GPATCH2L: variants seen among roughly 807,000 people sequenced by gnomAD.
The protein encoded by GPATCH2L is G patch domain-containing protein 2-like.
In GPATCH2L, 31 loss-of-function variants were observed where a neutral mutation model predicts 57.4. That is an observed-to-expected ratio of 0.54 (90% CI 0.41 to 0.73). The LOEUF is 0.73. Ranked by LOEUF, GPATCH2L falls within the 30% of genes least tolerant of loss-of-function variation. GPATCH2L has a pLI of 0.00. For missense variants in GPATCH2L, 481 were observed against 599.9 expected, an observed-to-expected ratio of 0.80 and a Z score of 2.07; for synonymous variants, 199 against 210.7, an observed-to-expected ratio of 0.94 and a Z score of 0.48.
chr14:76,217,095 GA>G (rs1029007243), downstream of GPATCH2L, among the ~76,000 whole-genome samples: 2 of 150,912 alleles, frequency 1.3e-5, no homozygotes, highest in African/African-American at 4.9e-5. Context: ...ACAACTACTG[GA>G]AAAAAAAAGA....
intron 1 of GPATCH2L, among the ~76,000 whole-genome samples, chr14:76,226,574 C>T (rs941579066): frequency 6.6e-6 from 1 of 152,146 alleles, no homozygotes; most frequent in African/African-American, 2.4e-5. Context: ...AACTTCATCC[C>T]CAATGCCACC....
chr14:76,228,462 CA>C (rs1003606638), intron 1 of GPATCH2L, among the ~76,000 whole-genome samples: 4 of 152,090 alleles, frequency 2.6e-5, no homozygotes, highest in Non-Finnish European at 5.9e-5. Context: ...CGCATTGTGC[CA>C]GGGGGCAGGC....
chr14:76,178,308 C>T lies in GPATCH2L; in HGVS notation c.1107+266C>T, dbSNP rs562762027. 3.0e-5 allele frequency: 40 copies of T among 1,351,896 alleles called. No individual in the cohort carries two copies. The African/African-American group carries it at 3.2e-4, about 11-fold the overall frequency. 83.7% of individuals were successfully genotyped at this position (1,351,896 alleles called of 1,614,324 possible). A position where few individuals can be genotyped will look rare whatever the true frequency, so the allele number is the denominator to read the frequency against. ...GAGAAGTACTATGTTGAAGCCTAAA[C>T]GTATGGAGCAGAAGGTAGAGCTGCT... is the stretch of plus-strand genomic sequence containing the variant. On this transcript the variant is annotated intron_variant, in intron 7 of 9. Coordinates refer to ENST00000261530, the MANE Select transcript of GPATCH2L (RefSeq NM_017926.4).
chr14:76,201,999 C>T lies in GPATCH2L; in HGVS notation c.*148C>T. 2 of 601,630 alleles carry T rather than the reference C, an allele frequency of 3.3e-6. No individual in the cohort carries two copies. The highest frequency in any genetic ancestry group is 5.7e-6 in the Non-Finnish European group (2 of 352,532). The allele number at this position is 601,630 out of a possible 1,614,324, so 37.3% of individuals were successfully genotyped here. A position where few individuals can be genotyped will look rare whatever the true frequency, so the allele number is the denominator to read the frequency against. ...CCTCTTTCAAACACAGCAGTGGATT[C>T]TTTCTCTCAGAAGATCATGTTGTGG... is the stretch of plus-strand genomic sequence containing the variant. On this transcript the variant is annotated 3_prime_UTR_variant, in exon 10 of 10. Transcript: ENST00000261530.
At chr14:76,217,431 C>T (rs1300559060), downstream of GPATCH2L, among the ~76,000 whole-genome samples, 1 of 151,966 alleles carries the variant, frequency 6.6e-6, no homozygotes, top group Non-Finnish European at 1.5e-5. Context: ...TCTCCTTGGA[C>T]CAGTACAAAA....
Position 76,201,929 on chromosome 14 carries a change from A to G in GPATCH2L, c.*78A>G, listed in dbSNP as rs1173326468. ...TGGACTTTGTGTTAGATAGTCTTGC[A>G]TATCTTAATCGACATTCCCAGTCCT... On this transcript the variant is annotated 3_prime_UTR_variant, in exon 10 of 10. Transcript: ENST00000261530. 1.4e-5 allele frequency: 17 copies of G among 1,239,112 alleles called. No homozygotes were observed. The highest frequency in any genetic ancestry group is 2.2e-4 in the Middle Eastern group (1 of 4,588). The allele number at this position is 1,239,112 out of a possible 1,614,324, so 76.8% of individuals were successfully genotyped here.
At chr14:76,161,890 G>T (rs2038603178) in intron 2 of GPATCH2L, among the ~76,000 whole-genome samples, 1 of 152,076 alleles carries the variant, frequency 6.6e-6, no homozygotes, top group South Asian at 2.1e-4. Context: ...ATGAAAATTA[G>T]CCAGGCGTGG....
At position 76,214,027 on chromosome 14, in the gene GPATCH2L, G is replaced by T. The variant is rs188414891; in HGVS notation, c.*12176G>T. 5 of 152,224 alleles carry T rather than the reference G, an allele frequency of 3.3e-5. No homozygotes were observed. In the East Asian group the frequency reaches 7.7e-4, roughly 23 times the overall value. 9.4% of individuals were successfully genotyped at this position (152,224 alleles called of 1,614,324 possible). A position where few individuals can be genotyped will look rare whatever the true frequency, so the allele number is the denominator to read the frequency against. On this transcript the variant is annotated 3_prime_UTR_variant, in exon 10 of 10. Transcript: ENST00000261530. ...TATGTTTTAACAACTGGCAAGGCTA[G>T]TCCCCCTTATAATTTTTCCTATTGT...
At chr14:76,165,402 G>A (rs972187960) in intron 2 of GPATCH2L, among the ~76,000 whole-genome samples, 1 of 151,188 alleles carries the variant, frequency 6.6e-6, no homozygotes, top group African/African-American at 2.4e-5. Flanking sequence ...TGAGGTAGGA[G>A]AATTGCTTGA....
intron 2 of GPATCH2L, among the ~76,000 whole-genome samples, chr14:76,235,372 T>C (rs1301541546): frequency 6.6e-6 from 1 of 152,092 alleles, no homozygotes; most frequent in Non-Finnish European, 1.5e-5. Context: ...TGTGGTAGGC[T>C]TAACTCGAAT....
intron 2 of GPATCH2L, among the ~76,000 whole-genome samples, chr14:76,163,505 G>A (rs1308000014): frequency 6.6e-6 from 1 of 152,050 alleles, no homozygotes; most frequent in African/African-American, 2.4e-5. Flanking sequence ...GCCACATTTT[G>A]TTTTTCCATT....
rs538554448 is a variant in GPATCH2L at position 76,233,374 on chromosome 14, AGTG to A, written c.*117+3427_*117+3429del. Among the ~76,000 whole-genome samples the A allele has an allele frequency of 1.2e-4, 19 of 152,330 alleles. 1 individual carries two copies. The East Asian group carries it at 2.1e-3, about 17-fold the overall frequency. ...AATTCTGGCAATTTGATAGATACAAAGTGGTGGTTTCAAATGATTGTCATTTGC... is the reference window on the plus strand; with the variant it reads ...AATTCTGGCAATTTGATAGATACAAAGTGGTTTCAAATGATTGTCATTTGC... On this transcript the variant is annotated intron_variant and NMD_transcript_variant, in intron 2 of 3. Transcript: ENST00000556372.
At chr14:76,166,568 G>T (rs1195278924) in intron 2 of GPATCH2L, 95 bp from the exon 3 acceptor site, 1 of 727,378 alleles carries the variant, frequency 1.4e-6, no homozygotes, top group African/African-American at 1.7e-5. Context: ...ACAGGTTGGA[G>T]TGAAATTAGG....
chr14:76,224,535 GGAAACATCTTTAAATTGGTAAA>G (rs1351071536), intron 1 of GPATCH2L, among the ~76,000 whole-genome samples: 32 of 152,044 alleles, frequency 2.1e-4, no homozygotes, highest in African/African-American at 7.7e-4. Context: ...AGGAATAGAA[GGAAACATCTTTAAATTGGTAAA>G]GATCAGTAAA....
chr14:76,220,233 G>A (rs1215416303), intron 1 of GPATCH2L, among the ~76,000 whole-genome samples: 2 of 152,114 alleles, frequency 1.3e-5, no homozygotes, highest in African/African-American at 4.8e-5. Flanking sequence ...CCTAACACAT[G>A]GGTAAATATT....
intron 9 of GPATCH2L, among the ~76,000 whole-genome samples, chr14:76,201,202 G>A (rs2040302056): frequency 2.0e-5 from 3 of 152,186 alleles, no homozygotes; most frequent in Admixed American, 1.3e-4. Flanking sequence ...CAGGAAGAGC[G>A]TGGGGTTTAG....
chr14:76,179,665 G>A lies in GPATCH2L; in HGVS notation c.1108-1099G>A, dbSNP rs189511724. 4.6e-5 allele frequency: 7 copies of A among 152,240 alleles called. No individual in the cohort carries two copies. In the East Asian group the frequency reaches 7.7e-4, roughly 17 times the overall value. The allele number at this position is 152,240 out of a possible 1,614,324, so 9.4% of individuals were successfully genotyped here. A position where few individuals can be genotyped will look rare whatever the true frequency, so the allele number is the denominator to read the frequency against. ...AAAACAAGTTTGAAGTTATCATTCC[G>A]GGTTCTTCCAGTCTTTGTATGTCAG... On this transcript the variant is annotated intron_variant, in intron 7 of 9. Coordinates refer to ENST00000261530, the MANE Select transcript of GPATCH2L (RefSeq NM_017926.4).
At chr14:76,157,150 C>A (rs532240028) in intron 2 of GPATCH2L, among the ~76,000 whole-genome samples, 36 of 152,310 alleles carry the variant, frequency 2.4e-4, no homozygotes, top group African/African-American at 7.7e-4. Flanking sequence ...TCTTTAAAAT[C>A]TTCTAGTTAT....
At chr14:76,153,778 C>T (rs1038004034) in intron 1 of GPATCH2L, 1 of 152,232 alleles carries the variant, frequency 6.6e-6, no homozygotes, top group Non-Finnish European at 1.5e-5. Context: ...AAACTGCATT[C>T]TTCCTTAAAT....
Sources: gnomAD v4.1 joint callset for allele counts (sites outside exome capture counted in the v4.1 genomes callset) on GRCh38, gnomAD v4.1.1 for gene constraint, MANE v1.5 for transcripts, NCBI Gene and HGNC (gene_info 2026-07-23, HGNC 2026-07-21) for gene names.